The following PPARD variants were observed in gnomAD, a reference collection of about 807,000 sequenced individuals.
The protein encoded by PPARD is peroxisome proliferator-activated receptor delta.
Under a neutral mutation model 39.5 loss-of-function variants are expected in PPARD, and 6 were observed. That is an observed-to-expected ratio of 0.15 (90% CI 0.08 to 0.30). PPARD has a LOEUF of 0.30. Among genes scored for constraint, PPARD ranks in the 10% least tolerant of loss-of-function variants. The probability of loss-of-function intolerance (pLI) is 1.00; values close to 1 mark genes in which losing one functional copy is unlikely to be tolerated. For missense variants in PPARD, 397 were observed against 596.8 expected (o/e 0.67, Z 3.49); for synonymous variants, 210 against 231.3 (o/e 0.91, Z 0.83).
intron 2 of PPARD, among the ~76,000 whole-genome samples, chr6:35,390,944 C>A (rs1348892002): frequency 2.0e-5 from 3 of 152,102 alleles, no homozygotes; most frequent in African/African-American, 7.2e-5. Context: ...ATCACTGGAG[C>A]CCAGGAGTTT....
At chr6:35,383,829 C>G (rs1445823567) in intron 2 of PPARD, among the ~76,000 whole-genome samples, 8 of 147,134 alleles carry the variant, frequency 5.4e-5, no homozygotes, top group Non-Finnish European at 7.4e-5. Context: ...GACCCTCCAC[C>G]CGGCAGCTGC....
rs1306729659 is a variant in PPARD, at chr6:35,363,339, A to G, written c.-102+16189A>G. On this transcript the variant is annotated intron_variant, in intron 2 of 7. Coordinates refer to ENST00000360694, the MANE Select transcript of PPARD (RefSeq NM_006238.5). This position sits in a 1 kb window ranked among gnomAD's most constrained non-coding sequence, Gnocchi z 4.5. Reference sequence around the variant, plus strand: ...GTTCCTGTGGGCCTGCCTGGATCATATCTGTTCTGCTGTGATCCCAGGCCT... The same window carrying G: ...GTTCCTGTGGGCCTGCCTGGATCATGTCTGTTCTGCTGTGATCCCAGGCCT... Among the ~76,000 whole-genome samples the G allele has an allele frequency of 6.6e-6, 1 of 152,130 alleles. No individual in the cohort carries two copies. The highest frequency in any genetic ancestry group is 2.4e-5 in the African/African-American group (1 of 41,408).
intron 2 of PPARD, chr6:35,348,280 ATC>A: frequency 3.4e-6 from 3 of 895,360 alleles, no homozygotes; most frequent in Non-Finnish European, 4.0e-6. Flanking sequence ...AACAGATCCA[ATC>A]TCTGCCTCAT....
chr6:35,361,561 C>T (rs1047038355), intron 2 of PPARD, among the ~76,000 whole-genome samples: 1 of 152,152 alleles, frequency 6.6e-6, no homozygotes, highest in Non-Finnish European at 1.5e-5. Context: ...TTCATCTGAA[C>T]ATTGGCCTGC....
intron 2 of PPARD, among the ~76,000 whole-genome samples, chr6:35,380,462 T>TTTTTTTTG (rs1562190207): frequency 9.1e-5 from 10 of 110,342 alleles, no homozygotes; most frequent in African/African-American, 5.0e-4. Flanking sequence ...ACCTCGTGTT[T>TTTTTTTTG]TTTTTTTTTG....
At chr6:35,347,783 A>AT (rs1760965335) in intron 2 of PPARD, among the ~76,000 whole-genome samples, 5 of 151,048 alleles carry the variant, frequency 3.3e-5, no homozygotes, top group Admixed American at 3.3e-4. Flanking sequence ...TAATTTTTGT[A>AT]TTTTTAGTAG....
At chr6:35,381,140 G>C (rs1763131343) in intron 2 of PPARD, among the ~76,000 whole-genome samples, 1 of 151,866 alleles carries the variant, frequency 6.6e-6, no homozygotes, top group Admixed American at 6.6e-5. Flanking sequence ...CTTAAAACCA[G>C]CCAGTGGCCA....
chr6:35,344,837 G>A (rs1382389923), intron 1 of PPARD, among the ~76,000 whole-genome samples: 1 of 152,194 alleles, frequency 6.6e-6, no homozygotes, highest in Non-Finnish European at 1.5e-5. Flanking sequence ...ATGGCCTGTT[G>A]TTGAGCCAGT....
rs367586643 is a variant in PPARD at position 35,390,742 on chromosome 6, G to A, written c.-101-20245G>A. ...ATTAAATGCGTGGTTTGGTGGTTTGGTTGGGCACAGTGGCTCACACCTGTA... is the reference window on the plus strand; with the variant it reads ...ATTAAATGCGTGGTTTGGTGGTTTGATTGGGCACAGTGGCTCACACCTGTA... On this transcript the variant is annotated intron_variant, in intron 2 of 7. Transcript: ENST00000360694. Among the ~76,000 whole-genome samples the A allele has an allele frequency of 3.2e-4, 48 of 152,292 alleles. 1 individual carries two copies. In the East Asian group the frequency reaches 6.9e-3, roughly 22 times the overall value.
chr6:35,415,529 ACT>A lies in PPARD; in HGVS notation c.130+4317_130+4318del, dbSNP rs563859293. 5.9e-5 allele frequency among the ~76,000 whole-genome samples: 9 copies of A among 152,274 alleles called. No homozygotes were observed. In the East Asian group the frequency reaches 1.7e-3, roughly 29 times the overall value. On this transcript the variant is annotated intron_variant, in intron 3 of 7. Transcript: ENST00000360694. ...TCAAAGATGGTGAAACTGATACTTT[ACT>A]CTCTGGGTGAGAGGGCTAGTGTTTA...
intron 4 of PPARD, 47 bp downstream of exon 4, chr6:35,420,328 A>G (rs1472097489): frequency 3.3e-6 from 5 of 1,516,314 alleles, no homozygotes; most frequent in East Asian, 2.4e-5. Flanking sequence ...CTGTGGTCAC[A>G]TGGTGAATTG....
At position 35,361,700 on chromosome 6, in the gene PPARD, G is replaced by A. The variant is rs147902147; in HGVS notation, c.-102+14550G>A. 1.0e-2 allele frequency among the ~76,000 whole-genome samples: 1,521 copies of A among 152,248 alleles called. 14 individuals carry two copies. Among genetic ancestry groups the A allele is most frequent in the Non-Finnish European group, 0.014 (969 of 68,006 alleles). On this transcript the variant is annotated intron_variant, in intron 2 of 7. Transcript: ENST00000360694. ...GGAAAAGGCAGGGCAGTGCAGCGAG[G>A]AATCTTCTGGCCTAAGGATGCCTGT...
intron 2 of PPARD, among the ~76,000 whole-genome samples, chr6:35,350,750 C>T (rs575719600): frequency 1.3e-4 from 19 of 149,232 alleles, no homozygotes; most frequent in African/African-American, 4.2e-4. Context: ...CTCAGTCTCC[C>T]AAGTAGCTGG....
At chr6:35,383,813 T>C (rs1274186501) in intron 2 of PPARD, among the ~76,000 whole-genome samples, 3 of 142,696 alleles carry the variant, frequency 2.1e-5, no homozygotes, top group South Asian at 2.2e-4. Context: ...GTCTGAGAAG[T>C]GAGGAGACCC....
intron 2 of PPARD, among the ~76,000 whole-genome samples, chr6:35,398,670 G>A (rs1338065357): frequency 2.6e-5 from 4 of 152,200 alleles, no homozygotes; most frequent in Non-Finnish European, 4.4e-5. Flanking sequence ...AGATTGATAC[G>A]GAGCAGCCAG....
At chr6:35,349,430 G>T (rs545616337) in intron 2 of PPARD, among the ~76,000 whole-genome samples, 1 of 152,160 alleles carries the variant, frequency 6.6e-6, no homozygotes, top group Non-Finnish European at 1.5e-5. Context: ...ATTATCTTGG[G>T]CTATACATAA....
intron 2 of PPARD, among the ~76,000 whole-genome samples, chr6:35,384,665 G>T (rs1335288304): frequency 1.3e-5 from 1 of 75,090 alleles, no homozygotes; most frequent in Non-Finnish European, 2.5e-5. Context: ...GAGGTGGGGG[G>T]GTCAGCCCCC....
Position 35,424,913 on chromosome 6 carries a change from C to G in PPARD, c.1078+134C>G. ...CCTGTGATCTTGGCAGTGGAACATG[C>G]AAGGCACTGACTGAGCATGCAGGAT... On this transcript the variant is annotated intron_variant, in intron 7 of 7. Coordinates refer to ENST00000360694, the MANE Select transcript of PPARD (RefSeq NM_006238.5). This position sits in a 1 kb window ranked among gnomAD's most constrained non-coding sequence, Gnocchi z 7.1. 2 of 1,456,610 alleles carry G rather than the reference C, an allele frequency of 1.4e-6. No individual in the cohort carries two copies. The highest frequency in any genetic ancestry group is 1.8e-6 in the Non-Finnish European group (2 of 1,108,100). The allele number at this position is 1,456,610 out of a possible 1,614,324, so 90.2% of individuals were successfully genotyped here. A position where few individuals can be genotyped will look rare whatever the true frequency, so the allele number is the denominator to read the frequency against.
At chr6:35,373,657 C>G (rs369482735) in intron 2 of PPARD, among the ~76,000 whole-genome samples, 3 of 136,476 alleles carry the variant, frequency 2.2e-5, no homozygotes, top group East Asian at 2.0e-4. Context: ...TTCTTTCTTT[C>G]TTTGTTTCTT....
Sources: gnomAD v4.1 joint callset for allele counts (sites outside exome capture counted in the v4.1 genomes callset) on GRCh38, gnomAD v4.1.1 for gene constraint, Gnocchi (gnomAD v3.1) non-coding constraint, MANE v1.5 for transcripts, NCBI Gene and HGNC (gene_info 2026-07-23, HGNC 2026-07-21) for gene names.